The following GLB1 variants were observed in gnomAD, a reference collection of about 807,000 sequenced individuals.
GLB1 encodes the protein galactosidase beta 1, also known as beta-galactosidase.
Under a neutral mutation model 74.0 loss-of-function variants are expected in GLB1, and 56 were observed. The observed-to-expected ratio is 0.76, with a 90% confidence interval of 0.61 to 0.94. The LOEUF (loss-of-function observed/expected upper bound fraction) is 0.94, where lower values mean the gene tolerates loss of function less well. Among genes scored for constraint, GLB1 ranks in the 40% least tolerant of loss-of-function variants. The pLI is 0.00. For synonymous variants in GLB1, 323 were observed against 323.6 expected, an observed-to-expected ratio of 1.00 and a Z score of 0.02; for missense variants, 787 against 845.5, an observed-to-expected ratio of 0.93 and a Z score of 0.86.
chr3:33,034,533 T>C (rs752148510), intron 10 of GLB1: 14 of 731,392 alleles, frequency 1.9e-5, no homozygotes, highest in African/African-American at 3.4e-5. Flanking sequence ...ACCAGCACCA[T>C]TGCCAGCTGC....
intron 10 of GLB1, among the ~76,000 whole-genome samples, chr3:33,040,302 T>C (rs1183163272): frequency 6.6e-6 from 1 of 152,220 alleles, no homozygotes; most frequent in Non-Finnish European, 1.5e-5. Flanking sequence ...CCCTGGTACC[T>C]GCCAGAAGCA....
intron 10 of GLB1, among the ~76,000 whole-genome samples, chr3:33,027,999 C>T (rs770191021): frequency 3.5e-4 from 54 of 152,214 alleles, no homozygotes; most frequent in Admixed American, 1.2e-3. Flanking sequence ...CTCCTGAGTT[C>T]CAGTGATCCT....
chr3:33,073,894 C>T (rs1699984918), intron 1 of GLB1, among the ~76,000 whole-genome samples: 3 of 151,578 alleles, frequency 2.0e-5, no homozygotes, highest in Admixed American at 2.0e-4. Flanking sequence ...CTTGGTGGCA[C>T]ACGCCTATGC....
At chr3:33,091,242 T>A (rs946967455) in intron 1 of GLB1, 40 of 985,368 alleles carry the variant, frequency 4.1e-5, no homozygotes, top group Non-Finnish European at 4.8e-5. Flanking sequence ...TTAAACTGCA[T>A]GGTATGGCCC....
intron 10 of GLB1, among the ~76,000 whole-genome samples, chr3:33,028,608 T>C (rs145717263): frequency 9.2e-5 from 14 of 152,228 alleles, no homozygotes; most frequent in Non-Finnish European, 1.6e-4. Flanking sequence ...ACTCTTAAAA[T>C]AGTGTATACT....
chr3:33,001,610 G>C (rs1008906777), intron 15 of GLB1, among the ~76,000 whole-genome samples: 25 of 152,212 alleles, frequency 1.6e-4, no homozygotes, highest in African/African-American at 5.5e-4. Context: ...TAGTTTATGA[G>C]CTATTTCCAG....
intron 10 of GLB1, among the ~76,000 whole-genome samples, chr3:33,032,372 C>T (rs996246649): frequency 2.0e-5 from 3 of 152,116 alleles, no homozygotes; most frequent in African/African-American, 7.2e-5. Context: ...AAATATTGAG[C>T]TGAATAAGCC....
chr3:32,979,866 A>G, the GLB1 span, among the ~76,000 whole-genome samples: 10 of 149,286 alleles, frequency 6.7e-5, no homozygotes, highest in South Asian at 2.1e-4. Context: ...AAAAAAAAAA[A>G]AAAAAAAAAA....
intron 10 of GLB1, among the ~76,000 whole-genome samples, chr3:33,026,051 C>A (rs1315899384): frequency 1.3e-5 from 2 of 152,084 alleles, no homozygotes; most frequent in African/African-American, 4.8e-5. Context: ...AGAGAAGGGC[C>A]CCGAGGTAGA....
At chr3:33,055,893 T>C (rs1699195261) in intron 6 of GLB1, among the ~76,000 whole-genome samples, 1 of 152,140 alleles carries the variant, frequency 6.6e-6, no homozygotes. Context: ...AGTTCTTTTC[T>C]GTTCTTCTCT....
Position 33,014,204 on chromosome 3 carries a change from T to C in GLB1, c.1586A>G (p.His529Arg). The C allele has an allele frequency of 6.2e-7, 1 of 1,614,156 alleles. No individual in the cohort carries two copies. The highest frequency in any genetic ancestry group is 8.5e-7 in the Non-Finnish European group (1 of 1,180,026). ...AVCSHLGGWG[H>R]RDSGHHDEAW... ...TTCATCATGGTGGCCACTGTCACGG[T>C]GTCCCCAGCCCCCCAGGTGGCTGCA... Residue 529 changes from histidine (H) to arginine (R), a missense_variant, in exon 15 of 16, where the codon CAC becomes CGC. His to Arg is a conservative substitution (Grantham distance 29). Coordinates refer to ENST00000307363, the MANE Select transcript of GLB1 (RefSeq NM_000404.4).
Position 33,093,568 on chromosome 3 carries a change from C to A in GLB1, c.75+3443G>T. 1 of 1,614,156 alleles carries A rather than the reference C, an allele frequency of 6.2e-7. No individual in the cohort carries two copies. On this transcript the variant is annotated intron_variant, in intron 1 of 15. Transcript: ENST00000307363. The surrounding 1 kb of genome is among the most constrained non-coding windows in gnomAD (Gnocchi z 6.0). ...CCCAAGTGAATGTCTGAGAGGAGCA[C>A]GATCTTGAGGTTGTTCATTGAGGCA...
chr3:33,012,335 C>T (rs890609226), intron 15 of GLB1, among the ~76,000 whole-genome samples: 2 of 152,146 alleles, frequency 1.3e-5, no homozygotes, highest in Non-Finnish European at 2.9e-5. Context: ...AAAATTCTAG[C>T]CCCCATGTGA....
chr3:32,986,815 T>G, the GLB1 span, among the ~76,000 whole-genome samples: 1 of 152,150 alleles, frequency 6.6e-6, no homozygotes, highest in Admixed American at 6.5e-5. Context: ...GGTCATGAAT[T>G]CCTGACCTCA....
At chr3:33,095,507 G>A (rs1203184338) in intron 1 of GLB1, among the ~76,000 whole-genome samples, 1 of 152,148 alleles carries the variant, frequency 6.6e-6, no homozygotes, top group African/African-American at 2.4e-5. Context: ...TCTTTCTTTA[G>A]CTGTGGGCAC....
intron 10 of GLB1, among the ~76,000 whole-genome samples, chr3:33,042,492 G>A (rs1278335297): frequency 6.8e-6 from 1 of 147,456 alleles, no homozygotes; most frequent in African/African-American, 2.5e-5. Flanking sequence ...CTCAGCCTCC[G>A]GAGTAGCTGG....
Position 33,021,667 on chromosome 3 carries a change from C to T in GLB1, c.1144-12G>A. On this transcript the variant is annotated splice_polypyrimidine_tract_variant and intron_variant, in intron 11 of 15. Transcript: ENST00000307363. ...CCCACTGTCTTTAACTGAAAAGAAA[C>T]AAAAGCAGCATTCACACACTGCACC... 6.2e-7 allele frequency: 1 copy of T among 1,612,274 alleles called. No individual in the cohort carries two copies. Among genetic ancestry groups the T allele is most frequent in the Non-Finnish European group, 8.5e-7 (1 of 1,179,220 alleles).
chr3:33,022,974 C>G (rs1299822705), intron 11 of GLB1, among the ~76,000 whole-genome samples: 2 of 152,136 alleles, frequency 1.3e-5, no homozygotes, highest in East Asian at 3.9e-4. Flanking sequence ...TGTTTTCCCA[C>G]CTGAACACTA....
chr3:33,036,537 C>CA (rs1559393665), intron 10 of GLB1, among the ~76,000 whole-genome samples: 1 of 152,074 alleles, frequency 6.6e-6, no homozygotes, highest in Non-Finnish European at 1.5e-5. Context: ...AGAGGAATGA[C>CA]AAGCAGAGAC....
Sources: allele counts gnomAD v4.1 joint callset (sites outside exome capture counted in the v4.1 genomes callset), GRCh38; gene constraint gnomAD v4.1.1; non-coding constraint Gnocchi (gnomAD v3.1); transcripts MANE v1.5; gene names NCBI Gene and HGNC (gene_info 2026-07-23, HGNC 2026-07-21).